The following ZNF326 variants were observed in gnomAD, a reference collection of about 807,000 sequenced individuals.
ZNF326 encodes the protein zinc finger protein 326, also known as DBIRD complex subunit ZNF326.
Under a neutral mutation model 63.1 loss-of-function variants are expected in ZNF326, and 30 were observed. The observed-to-expected ratio is 0.48, with a 90% CI of 0.36 to 0.64. ZNF326 has a LOEUF of 0.64. ZNF326 is among the 30% of genes least tolerant of loss of function. ZNF326 has a pLI of 0.00. For missense variants in ZNF326, 609 were observed against 720.3 expected (o/e 0.85, Z 1.77); for synonymous variants, 194 against 228.2 (o/e 0.85, Z 1.35).
rs1650129730 is a variant in ZNF326 at position 90,028,547 on chromosome 1, TGTTA to T, written c.*850_*853del. The T allele has an allele frequency of 6.6e-6, 1 of 152,198 alleles. No homozygotes were observed. The highest frequency in any genetic ancestry group is 1.5e-5 in the Non-Finnish European group (1 of 68,028). The allele number at this position is 152,198 out of a possible 1,614,324, so 9.4% of individuals were successfully genotyped here. A position where few individuals can be genotyped will look rare whatever the true frequency, so the allele number is the denominator to read the frequency against. On this transcript the variant is annotated 3_prime_UTR_variant, in exon 12 of 12. Transcript: ENST00000340281. ...TTTGATACAAAGTTTTCTGTAGTTG[TGTTA>T]GTTCTTTTGTCATGTCTGTTTTTGG...
At chr1:90,004,302 CTG>C (rs1460541488) in intron 2 of ZNF326, among the ~76,000 whole-genome samples, 1 of 151,922 alleles carries the variant, frequency 6.6e-6, no homozygotes, top group Non-Finnish European at 1.5e-5. Flanking sequence ...TTAAAAATAT[CTG>C]TTTCAATTAC....
chr1:90,027,400 TAGAA>T lies in ZNF326; in HGVS notation c.1449_1452del (p.Ile483MetfsTer32). ...CAAGACCATTCTCAGGATCAGCAAA[TAGAA>T]GGAGATGAGGAGGATGAAGAGAAGA... On this transcript the variant is annotated frameshift_variant, in exon 12 of 12. Transcript: ENST00000340281. LOFTEE classifies it low-confidence loss of function (END_TRUNC). 1 of 1,613,544 alleles carries T rather than the reference TAGAA, an allele frequency of 6.2e-7. No individual in the cohort carries two copies. Among genetic ancestry groups the T allele is most frequent in the Non-Finnish European group, 8.5e-7 (1 of 1,179,894 alleles).
rs201355749 is a variant in ZNF326 at position 90,027,739 on chromosome 1, G to A, written c.*38G>A. 3.2e-5 allele frequency: 51 copies of A among 1,592,560 alleles called. No individual in the cohort carries two copies. The East Asian group carries it at 4.9e-4, about 15-fold the overall frequency. On this transcript the variant is annotated 3_prime_UTR_variant, in exon 12 of 12. Transcript: ENST00000340281. ...AGATTTAAAAGGAGCTTTACATTTC[G>A]GTTCTAATGTAAAAAAGGGTAAGAA...
At chr1:90,011,191 G>A (rs192833888) in intron 6 of ZNF326, among the ~76,000 whole-genome samples, 1 of 152,112 alleles carries the variant, frequency 6.6e-6, no homozygotes, top group Non-Finnish European at 1.5e-5. Flanking sequence ...GAAAAGTGTT[G>A]TGTAGCTAAG....
chr1:90,025,081 T>A (rs978787471), intron 11 of ZNF326, among the ~76,000 whole-genome samples: 16 of 151,982 alleles, frequency 1.1e-4, no homozygotes, highest in African/African-American at 3.9e-4. Context: ...CCACCCTATT[T>A]TATCATCTTG....
chr1:90,020,312 C>T (rs1289644181), intron 9 of ZNF326, among the ~76,000 whole-genome samples: 3 of 151,954 alleles, frequency 2.0e-5, no homozygotes, highest in Non-Finnish European at 4.4e-5. Flanking sequence ...GCAGAAAGTA[C>T]CATTCTCTTA....
intron 1 of ZNF326, 115 bp downstream of exon 1, chr1:89,995,388 G>C: frequency 1.5e-6 from 2 of 1,337,482 alleles, no homozygotes; most frequent in Non-Finnish European, 2.0e-6. Flanking sequence ...GGGCCCGGAG[G>C]CCGCCCGCCC....
intron 2 of ZNF326, among the ~76,000 whole-genome samples, chr1:90,004,206 C>T (rs1247023596): frequency 5.4e-5 from 8 of 149,414 alleles, no homozygotes; most frequent in African/African-American, 2.0e-4. Flanking sequence ...TTTTAGTGTT[C>T]ACATTGCTAG....
intron 1 of ZNF326, 44 bp from the exon 2 acceptor site, chr1:89,998,066 G>T: frequency 6.4e-7 from 1 of 1,565,378 alleles, no homozygotes. Context: ...TTGAATTATT[G>T]CTAATATCAC....
At chr1:90,025,547 A>G (rs537045150) in intron 11 of ZNF326, among the ~76,000 whole-genome samples, 1 of 152,338 alleles carries the variant, frequency 6.6e-6, no homozygotes, top group Admixed American at 6.5e-5. Context: ...TTGTGTTTTC[A>G]GCAAGAGTTC....
In ZNF326 at chr1:90,027,512, AG is replaced by A. The variant is rs752237350; in HGVS notation, c.1561del (p.Val521Ter). On this transcript the variant is annotated frameshift_variant, in exon 12 of 12. Transcript: ENST00000340281. LOFTEE classifies it low-confidence loss of function (END_TRUNC). ...EVGEVEEVEE[V>X]EEVREGGIEG... Reference sequence around the variant, plus strand: ...TGGGGGAAGTAGAGGAAGTGGAAGAAGTAGAGGAAGTGAGAGAAGGAGGAAT... The same window carrying A: ...TGGGGGAAGTAGAGGAAGTGGAAGAATAGAGGAAGTGAGAGAAGGAGGAAT... 1 of 1,612,296 alleles carries A rather than the reference AG, an allele frequency of 6.2e-7. No homozygotes were observed. Among genetic ancestry groups the A allele is most frequent in the Non-Finnish European group, 8.5e-7 (1 of 1,179,144 alleles).
chr1:90,023,507 A>G lies in ZNF326; in HGVS notation c.1401+1162A>G, dbSNP rs189038978. Among the ~76,000 whole-genome samples, 10 of 152,184 alleles carry G rather than the reference A, an allele frequency of 6.6e-5. No homozygotes were observed. In the East Asian group the frequency reaches 1.9e-3, roughly 29 times the overall value. Reference sequence around the variant, plus strand: ...TTAGGGGCCTATTTTCTAATTTGTTAATCTAATATTCGTTAATATTTGTCG... The same window carrying G: ...TTAGGGGCCTATTTTCTAATTTGTTGATCTAATATTCGTTAATATTTGTCG... On this transcript the variant is annotated intron_variant, in intron 11 of 11. Transcript: ENST00000340281.
At chr1:90,001,884 A>G (rs748184610) in intron 2 of ZNF326, among the ~76,000 whole-genome samples, 5 of 151,992 alleles carry the variant, frequency 3.3e-5, no homozygotes, top group Admixed American at 6.6e-5. Context: ...TTCCCCCAGT[A>G]TGTCACAGCT....
At position 89,995,280 on chromosome 1, in the gene ZNF326, G is replaced by T; in HGVS notation, c.16+7G>T. On this transcript the variant is annotated splice_region_variant and intron_variant, in intron 1 of 11. Transcript: ENST00000340281. Reference sequence around the variant, plus strand: ...GCCATGGACTTCGAGGACGGTAAGCGCTGCCTCTGGCTGGTCGGCGCAGCT... The same window carrying T: ...GCCATGGACTTCGAGGACGGTAAGCTCTGCCTCTGGCTGGTCGGCGCAGCT... 2 of 1,549,778 alleles carry T rather than the reference G, an allele frequency of 1.3e-6. No homozygotes were observed. The highest frequency in any genetic ancestry group is 1.7e-6 in the Non-Finnish European group (2 of 1,149,428).
chr1:90,024,865 T>A (rs1649936857), intron 11 of ZNF326, among the ~76,000 whole-genome samples: 1 of 152,202 alleles, frequency 6.6e-6, no homozygotes, highest in Non-Finnish European at 1.5e-5. Context: ...CATTTCTGCC[T>A]TAGATATATC....
At chr1:90,002,439 C>G (rs1648730781) in intron 2 of ZNF326, among the ~76,000 whole-genome samples, 2 of 152,078 alleles carry the variant, frequency 1.3e-5, no homozygotes, top group African/African-American at 2.4e-5. Context: ...ATTTTTTTCT[C>G]TGTGTACCTG....
At chr1:89,999,812 A>G (rs112975346) in intron 2 of ZNF326, among the ~76,000 whole-genome samples, 9 of 152,306 alleles carry the variant, frequency 5.9e-5, no homozygotes, top group African/African-American at 2.2e-4. Flanking sequence ...TGTTCAGCAA[A>G]TATTTATTTA....
chr1:90,027,307 G>A (rs377649264), intron 11 of ZNF326, 47 bp from the exon 12 acceptor site: 28 of 1,572,016 alleles, frequency 1.8e-5, no homozygotes, highest in African/African-American at 6.8e-5. Context: ...GCCAGATCAT[G>A]TAATAATGAA....
rs961862503 is a variant in ZNF326, at chr1:89,995,210, C to T, written c.-48C>T. 3.9e-6 allele frequency: 6 copies of T among 1,532,920 alleles called. No individual in the cohort carries two copies. Among genetic ancestry groups the T allele is most frequent in the East Asian group, 2.6e-5 (1 of 38,680 alleles). 95.0% of individuals were successfully genotyped at this position (1,532,920 alleles called of 1,614,324 possible). On this transcript the variant is annotated 5_prime_UTR_variant, in exon 1 of 12. Transcript: ENST00000340281. Reference sequence around the variant, plus strand: ...CGGGTCGCGGACGCTCGCCGCCGGCCATAGCTCAGCCTAGCGCCGCCAAGG... The same window carrying T: ...CGGGTCGCGGACGCTCGCCGCCGGCTATAGCTCAGCCTAGCGCCGCCAAGG...
Sources: gnomAD v4.1 joint callset for allele counts (sites outside exome capture counted in the v4.1 genomes callset) on GRCh38, gnomAD v4.1.1 for gene constraint, MANE v1.5 for transcripts, NCBI Gene and HGNC (gene_info 2026-07-23, HGNC 2026-07-21) for gene names.